Variants in DPH6 observed in about 807,000 individuals in gnomAD.
The protein encoded by DPH6 is diphthine--ammonia ligase.
DPH6 carries 33 observed loss-of-function variants against 38.2 expected under a neutral mutation model. The ratio of observed to expected loss-of-function variants is 0.86; its 90% CI spans 0.65 to 1.15. The LOEUF is 1.15. Among genes scored for constraint, DPH6 ranks in the 50% most tolerant of loss-of-function variants. The pLI is 0.00. For synonymous variants in DPH6, 108 were observed against 103.0 expected (o/e 1.05, Z -0.30); for missense variants, 325 against 320.0 (o/e 1.02, Z -0.12).
chr15:35,394,384 C>G (rs2053100400), intron 6 of DPH6, among the ~76,000 whole-genome samples: 1 of 152,150 alleles, frequency 6.6e-6, no homozygotes, highest in South Asian at 2.1e-4. Context: ...TACTTCCCAG[C>G]TGGGCAATGG....
chr15:35,199,923 C>A, the DPH6 span, among the ~76,000 whole-genome samples: 1 of 151,920 alleles, frequency 6.6e-6, no homozygotes, highest in African/African-American at 2.4e-5. Context: ...CAGTGCAGAT[C>A]CCAGGGAGTT....
At chr15:35,386,519 T>G (rs928998034) in intron 6 of DPH6, among the ~76,000 whole-genome samples, 1 of 152,228 alleles carries the variant, frequency 6.6e-6, no homozygotes, top group Admixed American at 6.5e-5. Context: ...GTTTCCTGAC[T>G]TTTTAATGAT....
chr15:35,443,545 GGATAT>G (rs2053814627), intron 5 of DPH6, among the ~76,000 whole-genome samples: 1 of 152,192 alleles, frequency 6.6e-6, no homozygotes, highest in Non-Finnish European at 1.5e-5. Flanking sequence ...GTAAAGGGAA[GGATAT>G]GTGCTTTCAC....
intron 3 of DPH6, among the ~76,000 whole-genome samples, chr15:35,294,185 A>G (rs1278956137): frequency 1.3e-5 from 2 of 151,078 alleles, no homozygotes; most frequent in Non-Finnish European, 3.0e-5. Flanking sequence ...CTTTCCTCCT[A>G]CTCCATCCCC....
the DPH6 span, among the ~76,000 whole-genome samples, chr15:35,190,840 G>C: frequency 5.6e-3 from 856 of 152,326 alleles, 6 homozygotes; most frequent in African/African-American, 0.019. Flanking sequence ...AAACAAGATG[G>C]AGTCAGTTAG....
intron 3 of DPH6, among the ~76,000 whole-genome samples, chr15:35,341,629 G>T (rs1047577724): frequency 1.3e-5 from 2 of 152,154 alleles, no homozygotes; most frequent in African/African-American, 4.8e-5. Flanking sequence ...CAGAGCTGCT[G>T]TGGTTTGCTG....
At chr15:35,275,006 C>T (rs2051848301) in intron 3 of DPH6, among the ~76,000 whole-genome samples, 2 of 152,010 alleles carry the variant, frequency 1.3e-5, no homozygotes, top group South Asian at 4.2e-4. Context: ...GCTCTGCCTC[C>T]CGGGTTCACG....
At chr15:35,383,132 T>C (rs1341490491) in intron 6 of DPH6, among the ~76,000 whole-genome samples, 1 of 152,220 alleles carries the variant, frequency 6.6e-6, no homozygotes, top group South Asian at 2.1e-4. Flanking sequence ...CATTCTTTTA[T>C]TAGAAAATGT....
At chr15:35,507,303 C>T (rs11854814) in intron 3 of DPH6, among the ~76,000 whole-genome samples, 2,780 of 152,000 alleles carry the variant, frequency 0.018, 86 homozygotes, top group African/African-American at 0.062. Context: ...AAGCAAAATA[C>T]TATAATATAA....
intron 5 of DPH6, among the ~76,000 whole-genome samples, chr15:35,421,789 T>C (rs1014112428): frequency 1.3e-5 from 2 of 152,064 alleles, no homozygotes; most frequent in African/African-American, 4.8e-5. Flanking sequence ...CAAAGAACAC[T>C]GAGAAATTCA....
At chr15:35,247,256 T>G (rs2051643333) in intron 3 of DPH6, among the ~76,000 whole-genome samples, 1 of 152,216 alleles carries the variant, frequency 6.6e-6, no homozygotes, top group African/African-American at 2.4e-5. Flanking sequence ...CAAGTTTTGA[T>G]CTTATATACT....
the DPH6 span, among the ~76,000 whole-genome samples, chr15:35,197,440 TC>T: frequency 6.6e-6 from 1 of 152,058 alleles, no homozygotes; most frequent in African/African-American, 2.4e-5. Context: ...TTTAGTATAA[TC>T]CCCTGCCTCC....
intron 3 of DPH6, among the ~76,000 whole-genome samples, chr15:35,354,566 T>G (rs1386984860): frequency 1.3e-5 from 2 of 152,214 alleles, no homozygotes; most frequent in African/African-American, 4.8e-5. Context: ...TGGTTCTGTT[T>G]ATATGCTGGA....
chr15:35,164,682 A>G, the DPH6 span, among the ~76,000 whole-genome samples: 1 of 151,964 alleles, frequency 6.6e-6, no homozygotes. Context: ...TTTTTACCCT[A>G]TGCCTTTGGC....
rs897318565 is a variant in DPH6 at position 35,542,360 on chromosome 15, G to C, written c.118+53C>G. On this transcript the variant is annotated intron_variant, in intron 2 of 8. Coordinates refer to ENST00000256538, the MANE Select transcript of DPH6 (RefSeq NM_080650.4). ...CGGTATACCTGTACAATGTAATTAT[G>C]AAGTTGGAATTTCATTCATTTAGGC... 2.9e-6 allele frequency: 4 copies of C among 1,393,668 alleles called. No homozygotes were observed. The African/African-American group carries it at 4.2e-5, about 15-fold the overall frequency. 86.3% of individuals were successfully genotyped at this position (1,393,668 alleles called of 1,614,324 possible).
chr15:35,418,338 C>T (rs547146294), intron 5 of DPH6, among the ~76,000 whole-genome samples: 2 of 152,200 alleles, frequency 1.3e-5, no homozygotes, highest in South Asian at 4.1e-4. Flanking sequence ...TGTTAAAGTA[C>T]ATTTTAACTC....
chr15:35,202,639 G>A, the DPH6 span, among the ~76,000 whole-genome samples: 91 of 151,860 alleles, frequency 6.0e-4, no homozygotes, highest in Middle Eastern at 3.4e-3. Flanking sequence ...TAGCTCTAAA[G>A]CAGTTTCAGA....
At chr15:35,364,685 CTT>C (rs1325329151) in intron 3 of DPH6, among the ~76,000 whole-genome samples, 1 of 151,972 alleles carries the variant, frequency 6.6e-6, no homozygotes, top group Admixed American at 6.6e-5. Context: ...TTTTAACCCA[CTT>C]TGTTTTCAAT....
In DPH6 at chr15:35,245,314, C is replaced by T. The variant is rs998322224; in HGVS notation, n.201-24732G>A. On this transcript the variant is annotated intron_variant and non_coding_transcript_variant, in intron 3 of 3. Transcript: ENST00000560386. Reference sequence around the variant, plus strand: ...AGTGCAGTGGTGCCATCTCGGCTCACTGCAAGCTCCGCCTCCCGGGTTCAC... The same window carrying T: ...AGTGCAGTGGTGCCATCTCGGCTCATTGCAAGCTCCGCCTCCCGGGTTCAC... Among the ~76,000 whole-genome samples the T allele has an allele frequency of 6.3e-5, 9 of 143,430 alleles. No homozygotes were observed. The South Asian group carries it at 1.8e-3, about 29-fold the overall frequency. The allele number at this position is 143,430 out of a possible 152,430, so 94.1% of individuals were successfully genotyped here. A position where few individuals can be genotyped will look rare whatever the true frequency, so the allele number is the denominator to read the frequency against.
Sources: allele counts gnomAD v4.1 joint callset (sites outside exome capture counted in the v4.1 genomes callset), GRCh38; gene constraint gnomAD v4.1.1; transcripts MANE v1.5; gene names NCBI Gene and HGNC (gene_info 2026-07-23, HGNC 2026-07-21).